The following RABGAP1L variants were observed in gnomAD, a reference collection of about 807,000 sequenced individuals.
RABGAP1L encodes the protein rab GTPase-activating protein 1-like.
A neutral mutation model predicts 137.7 loss-of-function variants in RABGAP1L; 63 were observed. The observed-to-expected ratio is 0.46, with a 90% confidence interval of 0.37 to 0.56. The LOEUF (loss-of-function observed/expected upper bound fraction) is 0.56, where lower values mean the gene tolerates loss of function less well. Among genes scored for constraint, RABGAP1L ranks in the 20% least tolerant of loss-of-function variants. The pLI, the probability that RABGAP1L is intolerant of heterozygous loss-of-function variation, is 0.00. For synonymous variants in RABGAP1L, 431 were observed against 433.7 expected (o/e 0.99, Z 0.08); for missense variants, 1,095 against 1,244.0 (o/e 0.88, Z 1.80).
rs188978617 is a variant in RABGAP1L, at chr1:174,599,284, C to G, written c.1711-38091C>G. On this transcript the variant is annotated intron_variant, in intron 13 of 25. Transcript: ENST00000681986. ...AACTTCTTGTTGTTTCTATTTAAAT[C>G]TTATTACACTATCTCTTAAAACACT... Among the ~76,000 whole-genome samples, 11 of 152,332 alleles carry G rather than the reference C, an allele frequency of 7.2e-5. No individual in the cohort carries two copies. The East Asian group carries it at 2.1e-3, about 29-fold the overall frequency.
chr1:174,816,136 A>G (rs1451565764), intron 19 of RABGAP1L, among the ~76,000 whole-genome samples: 1 of 147,024 alleles, frequency 6.8e-6, no homozygotes, highest in Non-Finnish European at 1.5e-5. Flanking sequence ...TCTTAGTAAC[A>G]TAATACATAG....
At chr1:174,162,753 CTTTT>C (rs971302832) in intron 1 of RABGAP1L, among the ~76,000 whole-genome samples, 2 of 37,186 alleles carry the variant, frequency 5.4e-5, no homozygotes, top group Non-Finnish European at 1.2e-4. Context: ...GCTGGTATTT[CTTTT>C]TTTTTTTTTT....
intron 19 of RABGAP1L, chr1:174,948,849 G>A (rs529693132): frequency 4.6e-5 from 7 of 151,986 alleles, no homozygotes; most frequent in African/African-American, 1.2e-4. Flanking sequence ...AGCAGAGACC[G>A]GTTGTCTTTA....
intron 1 of RABGAP1L, among the ~76,000 whole-genome samples, chr1:174,178,013 C>G (rs1204716564): frequency 8.6e-5 from 13 of 152,042 alleles, no homozygotes; most frequent in Non-Finnish European, 2.9e-5. Flanking sequence ...TCTAATTCTG[C>G]AAAGAAAGTC....
chr1:174,372,489 G>A (rs1395615878), intron 12 of RABGAP1L, among the ~76,000 whole-genome samples: 4 of 152,078 alleles, frequency 2.6e-5, no homozygotes, highest in African/African-American at 9.7e-5. Flanking sequence ...TGGTCTAAGT[G>A]AAGCAGAATG....
At chr1:174,636,216 A>C (rs1393327857) in intron 13 of RABGAP1L, among the ~76,000 whole-genome samples, 1 of 152,202 alleles carries the variant, frequency 6.6e-6, no homozygotes, top group African/African-American at 2.4e-5. Flanking sequence ...TGTCTTCAAC[A>C]AATATCTAGG....
intron 10 of RABGAP1L, among the ~76,000 whole-genome samples, chr1:174,295,967 G>A (rs1044207253): frequency 6.6e-6 from 1 of 152,206 alleles, no homozygotes; most frequent in Non-Finnish European, 1.5e-5. Context: ...AAATCACCCA[G>A]AGCCTAAGTA....
intron 13 of RABGAP1L, among the ~76,000 whole-genome samples, chr1:174,413,146 T>G (rs1156612866): frequency 3.3e-5 from 5 of 152,182 alleles, no homozygotes; most frequent in Non-Finnish European, 5.9e-5. Context: ...TCAAAGACTT[T>G]GTTCATTTTT....
chr1:174,645,669 C>T (rs1274457267), intron 14 of RABGAP1L, among the ~76,000 whole-genome samples: 1 of 152,106 alleles, frequency 6.6e-6, no homozygotes. Flanking sequence ...AATAGTGCTG[C>T]AATAAACATA....
intron 11 of RABGAP1L, among the ~76,000 whole-genome samples, chr1:174,350,696 G>A (rs1203804946): frequency 1.6e-4 from 7 of 42,700 alleles, no homozygotes; most frequent in Non-Finnish European, 2.2e-4. Context: ...GGTGGCGGCC[G>A]GGCAGAGGCT....
Position 174,502,783 on chromosome 1 carries a change from A to G in RABGAP1L, c.1710+108638A>G, listed in dbSNP as rs376118430. ...CAGAAATTCTTTCAGAGAATATGAG[A>G]TGAATTAGTGAAACTTTTCAAATGC... On this transcript the variant is annotated intron_variant, in intron 13 of 25. Coordinates refer to ENST00000681986, the MANE Select transcript of RABGAP1L (RefSeq NM_001366446.1). Among the ~76,000 whole-genome samples, 450 of 151,990 alleles carry G rather than the reference A, an allele frequency of 3.0e-3. 2 individuals are homozygous for G. Among genetic ancestry groups the G allele is most frequent in the African/African-American group, 5.6e-3 (232 of 41,478 alleles).
At chr1:174,231,561 A>G (rs1325505183) in intron 4 of RABGAP1L, among the ~76,000 whole-genome samples, 1 of 152,170 alleles carries the variant, frequency 6.6e-6, no homozygotes, top group East Asian at 1.9e-4. Flanking sequence ...CAATAAAGAA[A>G]TATCTGAGAT....
chr1:174,441,441 G>T (rs1271515231), intron 13 of RABGAP1L, among the ~76,000 whole-genome samples: 3 of 152,044 alleles, frequency 2.0e-5, no homozygotes, highest in African/African-American at 7.2e-5. Flanking sequence ...AAGTAAGGAA[G>T]CTAGCACAGT....
chr1:174,845,961 G>A (rs1475894731), intron 19 of RABGAP1L, among the ~76,000 whole-genome samples: 2 of 136,742 alleles, frequency 1.5e-5, no homozygotes, highest in Non-Finnish European at 3.1e-5. Context: ...TTGGGAGAGT[G>A]TATGTGTCGA....
intron 18 of RABGAP1L, among the ~76,000 whole-genome samples, chr1:174,788,541 T>C (rs1200113807): frequency 6.6e-6 from 1 of 152,246 alleles, no homozygotes; most frequent in East Asian, 1.9e-4. Context: ...TTCTGACTTG[T>C]CTACCTTCAG....
intron 19 of RABGAP1L, among the ~76,000 whole-genome samples, chr1:174,841,066 G>A (rs909491203): frequency 6.6e-6 from 1 of 152,116 alleles, no homozygotes; most frequent in Non-Finnish European, 1.5e-5. Flanking sequence ...TTACATAGTA[G>A]TGATAAGAAT....
intron 20 of RABGAP1L, among the ~76,000 whole-genome samples, chr1:174,959,109 T>C (rs1668863252): frequency 6.6e-6 from 1 of 152,218 alleles, no homozygotes; most frequent in Non-Finnish European, 1.5e-5. Flanking sequence ...ATAGAAGTGG[T>C]TCAAGATCTG....
At chr1:174,824,367 C>A (rs1015031951) in intron 19 of RABGAP1L, among the ~76,000 whole-genome samples, 2 of 151,670 alleles carry the variant, frequency 1.3e-5, no homozygotes, top group Admixed American at 1.3e-4. Flanking sequence ...TGGTGACACA[C>A]GCCTATAGTC....
intron 20 of RABGAP1L, chr1:174,964,674 T>C: frequency 1.7e-6 from 1 of 581,364 alleles, no homozygotes; most frequent in Non-Finnish European, 2.5e-6. Context: ...TACAGCATTT[T>C]AGTCATTCAT....
Sources: allele counts gnomAD v4.1 joint callset (sites outside exome capture counted in the v4.1 genomes callset), GRCh38; gene constraint gnomAD v4.1.1; transcripts MANE v1.5; gene names NCBI Gene and HGNC (gene_info 2026-07-23, HGNC 2026-07-21).